GHR: variants seen among roughly 807,000 people sequenced by gnomAD.
The protein encoded by GHR is GH receptor.
Under a neutral mutation model 67.1 loss-of-function variants are expected in GHR, and 35 were observed. The observed-to-expected ratio is 0.52, with a 90% CI of 0.40 to 0.69. The LOEUF (loss-of-function observed/expected upper bound fraction) is 0.69. Ranked by LOEUF, GHR falls within the 30% of genes least tolerant of loss-of-function variation. The pLI is 0.00. For missense variants in GHR, 792 were observed against 764.6 expected, an observed-to-expected ratio of 1.04 and a Z score of -0.42; for synonymous variants, 272 against 269.1, an observed-to-expected ratio of 1.01 and a Z score of -0.10.
At chr5:42,599,358 T>C (rs1249064572) in intron 2 of GHR, among the ~76,000 whole-genome samples, 1 of 70,768 alleles carries the variant, frequency 1.4e-5, no homozygotes, top group African/African-American at 1.3e-4. Context: ...CTACAGCACA[T>C]TTTTTTTTTT....
intron 1 of GHR, among the ~76,000 whole-genome samples, chr5:42,473,961 G>A (rs891777518): frequency 3.4e-5 from 5 of 146,284 alleles, no homozygotes; most frequent in Admixed American, 2.0e-4. Context: ...GCCAAGGTGA[G>A]TGGATCACTT....
At chr5:42,680,100 C>T (rs1451852285) in intron 3 of GHR, among the ~76,000 whole-genome samples, 3 of 152,348 alleles carry the variant, frequency 2.0e-5, no homozygotes, top group East Asian at 3.9e-4. Context: ...TACCCAAAGC[C>T]TATGCAGGCA....
chr5:42,646,863 C>T (rs1754757432), intron 3 of GHR, among the ~76,000 whole-genome samples: 1 of 152,180 alleles, frequency 6.6e-6, no homozygotes, highest in African/African-American at 2.4e-5. Context: ...TGGTACCAGA[C>T]TGGGAATCGT....
chr5:42,679,665 A>G (rs1191453655), intron 3 of GHR, among the ~76,000 whole-genome samples: 1 of 151,864 alleles, frequency 6.6e-6, no homozygotes, highest in East Asian at 1.9e-4. Context: ...ACAGCTGTTG[A>G]GTTGGAATCA....
chr5:42,437,425 C>A (rs111722886), intron 1 of GHR, among the ~76,000 whole-genome samples: 1 of 152,272 alleles, frequency 6.6e-6, no homozygotes, highest in African/African-American at 2.4e-5. Flanking sequence ...TGTTGGATGT[C>A]TTATGGGCCT....
At chr5:42,667,700 C>T (rs144926789) in intron 3 of GHR, among the ~76,000 whole-genome samples, 1 of 152,288 alleles carries the variant, frequency 6.6e-6, no homozygotes, top group African/African-American at 2.4e-5. Flanking sequence ...TTTTAATGCG[C>T]ATACAGATAG....
intron 3 of GHR, among the ~76,000 whole-genome samples, chr5:42,662,106 A>G (rs1425769783): frequency 2.6e-5 from 4 of 152,206 alleles, no homozygotes; most frequent in Non-Finnish European, 5.9e-5. Flanking sequence ...TTCATAAAGC[A>G]AGTCCTGAGT....
chr5:42,658,813 C>T lies in GHR; in HGVS notation c.136+29710C>T, dbSNP rs574571160. ...GCAACAAATGATCTGATCCAAAATA[C>T]CAATAGTGTGGAAGTTGAGAAACCC... is the stretch of plus-strand genomic sequence containing the variant. On this transcript the variant is annotated intron_variant, in intron 3 of 9. Transcript: ENST00000230882. Among the ~76,000 whole-genome samples, 4 of 152,158 alleles carry T rather than the reference C, an allele frequency of 2.6e-5. No individual in the cohort carries two copies. The South Asian group carries it at 8.3e-4, about 32-fold the overall frequency.
chr5:42,675,736 T>C (rs2112919035), intron 3 of GHR, among the ~76,000 whole-genome samples: 1 of 152,326 alleles, frequency 6.6e-6, no homozygotes, highest in South Asian at 2.1e-4. Context: ...TAGTAGTATA[T>C]GTGCAATTAT....
intron 6 of GHR, among the ~76,000 whole-genome samples, chr5:42,700,713 A>C (rs891481727): frequency 6.6e-6 from 1 of 152,206 alleles, no homozygotes; most frequent in South Asian, 2.1e-4. Context: ...AGCCAAGCCA[A>C]GCAGTTTCTG....
At chr5:42,684,634 G>A (rs1360053879) in intron 3 of GHR, among the ~76,000 whole-genome samples, 1 of 152,142 alleles carries the variant, frequency 6.6e-6, no homozygotes, top group East Asian at 1.9e-4. Context: ...TCTGAGAGGG[G>A]TTGGTAAACA....
At chr5:42,476,177 A>G (rs1745305428) in intron 1 of GHR, among the ~76,000 whole-genome samples, 1 of 151,956 alleles carries the variant, frequency 6.6e-6, no homozygotes, top group African/African-American at 2.4e-5. Flanking sequence ...TGCTGGGATT[A>G]CAGGCGTGAG....
rs1039015585 is a variant in GHR, at chr5:42,615,214, A to C, written c.71-13824A>C. 7.9e-5 allele frequency among the ~76,000 whole-genome samples: 12 copies of C among 151,204 alleles called. No individual in the cohort carries two copies. The East Asian group carries it at 2.1e-3, about 27-fold the overall frequency. On this transcript the variant is annotated intron_variant, in intron 2 of 9. Transcript: ENST00000230882. ...AGTTTTGTAAACTCTACAGCAAAGA[A>C]AAAAAAAACTGCTACAGAAAAAATA... is the stretch of plus-strand genomic sequence containing the variant.
chr5:42,658,162 C>T (rs910301207), intron 3 of GHR, among the ~76,000 whole-genome samples: 11 of 152,108 alleles, frequency 7.2e-5, no homozygotes, highest in African/African-American at 2.7e-4. Context: ...AGCTATCTAA[C>T]AGCTCATAGA....
intron 1 of GHR, among the ~76,000 whole-genome samples, chr5:42,504,968 C>T (rs1221842419): frequency 6.6e-6 from 1 of 152,090 alleles, no homozygotes; most frequent in East Asian, 1.9e-4. Context: ...AAGAATTGCT[C>T]CAGATTTTTG....
rs554364990 is a variant in GHR at position 42,696,202 on chromosome 5, G to A, written c.439+1113G>A. Among the ~76,000 whole-genome samples the A allele has an allele frequency of 3.9e-5, 6 of 152,330 alleles. No individual in the cohort carries two copies. The East Asian group carries it at 1.2e-3, about 29-fold the overall frequency. ...ACTCATTTACCTGGCTGACATGCCT[G>A]TCATGTGTCACGCACTGTTCTGGTG... On this transcript the variant is annotated intron_variant, in intron 5 of 9. Coordinates refer to ENST00000230882, the MANE Select transcript of GHR (RefSeq NM_000163.5).
intron 1 of GHR, among the ~76,000 whole-genome samples, chr5:42,519,162 T>C (rs1187326009): frequency 6.6e-6 from 1 of 152,218 alleles, no homozygotes; most frequent in African/African-American, 2.4e-5. Flanking sequence ...TATAACCCTC[T>C]GTTTTCACTT....
chr5:42,525,766 G>T (rs1453743418), intron 1 of GHR, among the ~76,000 whole-genome samples: 1 of 152,154 alleles, frequency 6.6e-6, no homozygotes, highest in Non-Finnish European at 1.5e-5. Flanking sequence ...TTCCTGTGCT[G>T]TTCTCATGAT....
chr5:42,579,126 GATAGATAGATAGATGATAGATAGATAT>G (rs1750968764), intron 2 of GHR, among the ~76,000 whole-genome samples: 1 of 72,736 alleles, frequency 1.4e-5, no homozygotes, highest in African/African-American at 6.5e-5. Context: ...TAGATAGATA[GATAGATAGATAGATGATAGATAGATAT>G]AGATAGATAG....
Sources: gnomAD v4.1 joint callset for allele counts (sites outside exome capture counted in the v4.1 genomes callset) on GRCh38, gnomAD v4.1.1 for gene constraint, MANE v1.5 for transcripts, NCBI Gene and HGNC (gene_info 2026-07-23, HGNC 2026-07-21) for gene names.